KCNQ5: variants seen among roughly 807,000 people sequenced by gnomAD.
KCNQ5 encodes potassium voltage-gated channel subfamily Q member 5.
In KCNQ5, 30 loss-of-function variants were observed where a neutral mutation model predicts 98.2. That is an observed-to-expected ratio of 0.31 (90% CI 0.23 to 0.41). The LOEUF (loss-of-function observed/expected upper bound fraction) is 0.41. KCNQ5 is among the 10% of genes least tolerant of loss of function. KCNQ5 has a pLI of 1.00. For synonymous variants in KCNQ5, 458 were observed against 449.4 expected (o/e 1.02, Z -0.24); for missense variants, 835 against 1,182.5 (o/e 0.71, Z 4.31).
At chr6:72,972,240 T>C (rs1189280590) in intron 1 of KCNQ5, among the ~76,000 whole-genome samples, 1 of 152,210 alleles carries the variant, frequency 6.6e-6, no homozygotes, top group Non-Finnish European at 1.5e-5. Context: ...AGAAATCTAA[T>C]ATGGAAATAG....
At chr6:73,020,442 T>A (rs1262396317) in intron 2 of KCNQ5, among the ~76,000 whole-genome samples, 1 of 151,746 alleles carries the variant, frequency 6.6e-6, no homozygotes, top group Non-Finnish European at 1.5e-5. Flanking sequence ...GTGCCAAGAT[T>A]CTATGCCCTT....
At chr6:72,729,751 T>G (rs1333748493) in intron 1 of KCNQ5, among the ~76,000 whole-genome samples, 2 of 150,062 alleles carry the variant, frequency 1.3e-5, no homozygotes, top group African/African-American at 4.9e-5. Flanking sequence ...TTTTCCTTTT[T>G]AAGCATGAGA....
chr6:72,786,308 G>T (rs186373472), intron 1 of KCNQ5, among the ~76,000 whole-genome samples: 1 of 152,126 alleles, frequency 6.6e-6, no homozygotes, highest in Non-Finnish European at 1.5e-5. Flanking sequence ...TATAAAACGT[G>T]CTTAAATTCT....
chr6:72,821,188 G>T (rs184502887), intron 1 of KCNQ5, among the ~76,000 whole-genome samples: 2 of 152,232 alleles, frequency 1.3e-5, no homozygotes. Flanking sequence ...TATAAATGGT[G>T]GTAGAATATT....
At chr6:73,167,962 T>C (rs964176989) in intron 10 of KCNQ5, among the ~76,000 whole-genome samples, 2 of 152,168 alleles carry the variant, frequency 1.3e-5, no homozygotes, top group African/African-American at 4.8e-5. Flanking sequence ...TTTCAACATA[T>C]GAATACAGGA....
At chr6:72,638,962 G>T (rs762510790) in intron 1 of KCNQ5, among the ~76,000 whole-genome samples, 4 of 152,086 alleles carry the variant, frequency 2.6e-5, no homozygotes, top group South Asian at 4.2e-4. Flanking sequence ...AGAGATGAAA[G>T]AATCAAAATG....
At chr6:72,813,140 T>G (rs1337042630) in intron 1 of KCNQ5, among the ~76,000 whole-genome samples, 2 of 152,124 alleles carry the variant, frequency 1.3e-5, no homozygotes, top group African/African-American at 2.4e-5. Flanking sequence ...TCTATTGGAT[T>G]TTGTGTTCAT....
chr6:72,949,107 A>G (rs1005186025), intron 1 of KCNQ5, among the ~76,000 whole-genome samples: 2 of 152,186 alleles, frequency 1.3e-5, no homozygotes, highest in Non-Finnish European at 2.9e-5. Flanking sequence ...TAAAACTCAG[A>G]CACAACATCT....
rs1581931605 is a variant in KCNQ5 at position 72,870,357 on chromosome 6, C to A, written c.399-133551C>A. ...TGGCATGATCTGCAGCTCACTGCAG[C>A]CTCAACCTCCCAGGCTCAGATGATC... On this transcript the variant is annotated intron_variant, in intron 1 of 13. Coordinates refer to ENST00000370398, the MANE Select transcript of KCNQ5 (RefSeq NM_019842.4). Among the ~76,000 whole-genome samples, 6 of 152,262 alleles carry A rather than the reference C, an allele frequency of 3.9e-5. No homozygotes were observed. The South Asian group carries it at 1.2e-3, about 32-fold the overall frequency.
chr6:73,120,597 C>G lies in KCNQ5; in HGVS notation c.1220+20C>G. On this transcript the variant is annotated intron_variant, in intron 8 of 13. Transcript: ENST00000370398. The stretch of plus-strand genomic sequence containing the variant: ...TACCAAGTAGGTATCAGTGTGACAG[C>G]TGCCACTGTAGTTGAGTCTTTTCAA... 1 of 1,524,736 alleles carries G rather than the reference C, an allele frequency of 6.6e-7. No individual in the cohort carries two copies. The highest frequency in any genetic ancestry group is 9.1e-7 in the Non-Finnish European group (1 of 1,102,020). 94.5% of individuals were successfully genotyped at this position (1,524,736 alleles called of 1,614,324 possible).
At chr6:72,901,188 T>C (rs1407160348) in intron 1 of KCNQ5, among the ~76,000 whole-genome samples, 1 of 131,908 alleles carries the variant, frequency 7.6e-6, no homozygotes, top group Non-Finnish European at 1.6e-5. Context: ...CCTTAGCCCA[T>C]TTTTTGATGG....
intron 1 of KCNQ5, among the ~76,000 whole-genome samples, chr6:72,781,486 T>G (rs1237547675): frequency 6.6e-6 from 1 of 152,228 alleles, no homozygotes; most frequent in African/African-American, 2.4e-5. Context: ...TTTATAACTG[T>G]GTGGATTTTG....
intron 1 of KCNQ5, among the ~76,000 whole-genome samples, chr6:72,765,414 G>A (rs907633187): frequency 3.3e-5 from 5 of 151,980 alleles, no homozygotes; most frequent in African/African-American, 1.2e-4. Flanking sequence ...ACAGAGCAAT[G>A]AGTCAAAATG....
At chr6:72,947,089 C>T (rs1268043305) in intron 1 of KCNQ5, among the ~76,000 whole-genome samples, 3 of 152,080 alleles carry the variant, frequency 2.0e-5, no homozygotes, top group African/African-American at 7.2e-5. Context: ...CAGTATTAAC[C>T]GCAGCTGTAT....
At chr6:72,852,694 A>G (rs1215197635) in intron 1 of KCNQ5, among the ~76,000 whole-genome samples, 1 of 104,028 alleles carries the variant, frequency 9.6e-6, no homozygotes, top group Admixed American at 9.2e-5. Context: ...GTTAAATTTT[A>G]TATGTATACT....
intron 1 of KCNQ5, among the ~76,000 whole-genome samples, chr6:72,691,338 A>G (rs1368502031): frequency 6.6e-6 from 1 of 152,230 alleles, no homozygotes; most frequent in Non-Finnish European, 1.5e-5. Context: ...ACCCAATGCC[A>G]CTGGAATAAT....
In KCNQ5 at chr6:72,691,990, A is replaced by G. The variant is rs545147845; in HGVS notation, c.398+69403A>G. On this transcript the variant is annotated intron_variant, in intron 1 of 13. Coordinates refer to ENST00000370398, the MANE Select transcript of KCNQ5 (RefSeq NM_019842.4). ...TGTCAGTACAGATTGTTTTATGAAC[A>G]TGTTGGTTTAATGAGAGAGTCTTCA... is the stretch of plus-strand genomic sequence containing the variant. 2.6e-5 allele frequency among the ~76,000 whole-genome samples: 4 copies of G among 152,346 alleles called. No individual in the cohort carries two copies. The East Asian group carries it at 7.7e-4, about 29-fold the overall frequency.
chr6:72,986,899 C>T, intron 1 of KCNQ5: 2 of 856,892 alleles, frequency 2.3e-6, no homozygotes, highest in Non-Finnish European at 3.9e-6. Flanking sequence ...CGGACACTTG[C>T]TCAGTGGGGA....
At chr6:73,125,468 C>T in intron 9 of KCNQ5, 1 of 517,594 alleles carries the variant, frequency 1.9e-6, no homozygotes, top group Non-Finnish European at 3.9e-6. Flanking sequence ...ATTTTTTTTC[C>T]TATCATTGTC....
Sources: gnomAD v4.1 joint callset for allele counts (sites outside exome capture counted in the v4.1 genomes callset) on GRCh38, gnomAD v4.1.1 for gene constraint, MANE v1.5 for transcripts, NCBI Gene and HGNC (gene_info 2026-07-23, HGNC 2026-07-21) for gene names.